Variants in SYBU observed in about 807,000 individuals in gnomAD.
The protein encoded by SYBU is syntabulin, also known as GOLSYN A protein.
A neutral mutation model predicts 35.9 loss-of-function variants in SYBU; 21 were observed. The ratio of observed to expected loss-of-function variants is 0.58; its 90% CI spans 0.41 to 0.84. The LOEUF (loss-of-function observed/expected upper bound fraction) is 0.84, where lower values mean the gene tolerates loss of function less well. Among genes scored for constraint, SYBU ranks in the 40% least tolerant of loss-of-function variants. SYBU has a pLI of 0.00. For missense variants in SYBU, 768 were observed against 848.2 expected (o/e 0.91, Z 1.17); for synonymous variants, 319 against 324.3 (o/e 0.98, Z 0.18).
chr8:109,638,998 T>G (rs1814552881), intron 2 of SYBU, among the ~76,000 whole-genome samples: 1 of 152,170 alleles, frequency 6.6e-6, no homozygotes, highest in Non-Finnish European at 1.5e-5. Context: ...GAATATCAAG[T>G]CATTAAATGT....
intron 3 of SYBU, among the ~76,000 whole-genome samples, chr8:109,617,935 G>A (rs569801812): frequency 1.3e-5 from 2 of 152,298 alleles, no homozygotes; most frequent in African/African-American, 4.8e-5. Flanking sequence ...GCATCCTATG[G>A]AAGAGGACAC....
At chr8:109,624,771 A>G (rs1430303948) in intron 2 of SYBU, among the ~76,000 whole-genome samples, 1 of 152,028 alleles carries the variant, frequency 6.6e-6, no homozygotes, top group Non-Finnish European at 1.5e-5. Flanking sequence ...GAGTTAAATT[A>G]GAGATTGGCA....
chr8:109,653,824 C>T (rs1347878438), intron 1 of SYBU, among the ~76,000 whole-genome samples: 1 of 152,124 alleles, frequency 6.6e-6, no homozygotes, highest in Non-Finnish European at 1.5e-5. Context: ...CTGCCTCCAC[C>T]CCATCCTTCC....
chr8:109,646,169 AC>A (rs1370130762), upstream of SYBU: 1 of 152,206 alleles, frequency 6.6e-6, no homozygotes, highest in Non-Finnish European at 1.5e-5. Flanking sequence ...GGTGGAATTC[AC>A]CATGTATAAT....
chr8:109,633,343 C>A (rs977116350), intron 2 of SYBU, among the ~76,000 whole-genome samples: 2 of 152,108 alleles, frequency 1.3e-5, no homozygotes, highest in African/African-American at 4.8e-5. Flanking sequence ...AGGCAGAGCT[C>A]AGAGAAAATC....
At chr8:109,651,124 G>T (rs1816116787) in intron 1 of SYBU, among the ~76,000 whole-genome samples, 2 of 152,188 alleles carry the variant, frequency 1.3e-5, no homozygotes, top group Admixed American at 1.3e-4. Context: ...GGCTGCTGCT[G>T]GAAGCCTAGA....
chr8:109,590,862 A>C (rs1441630951), intron 3 of SYBU, among the ~76,000 whole-genome samples: 1 of 152,186 alleles, frequency 6.6e-6, no homozygotes, highest in African/African-American at 2.4e-5. Context: ...GAAAAGCCAT[A>C]TAATTTATCA....
In SYBU at chr8:109,622,411, T is replaced by C. The variant is rs569250243; in HGVS notation, c.230-3372A>G. On this transcript the variant is annotated intron_variant, in intron 2 of 6. Transcript: ENST00000276646. ...CCAAACTCAGCTAATTTTTGTATTT[T>C]TAGTAGAGATGGGGTTTCTCCATGT... 5.3e-5 allele frequency among the ~76,000 whole-genome samples: 8 copies of C among 152,130 alleles called. No individual in the cohort carries two copies. The East Asian group carries it at 1.5e-3, about 29-fold the overall frequency.
chr8:109,679,217 G>A (rs940515801), intron 1 of SYBU, among the ~76,000 whole-genome samples: 20 of 152,274 alleles, frequency 1.3e-4, no homozygotes, highest in Non-Finnish European at 2.2e-4. Context: ...GGTCTAAAAA[G>A]AGGGAGGAAC....
intron 3 of SYBU, among the ~76,000 whole-genome samples, chr8:109,608,306 G>A (rs77944248): frequency 0.015 from 2,233 of 152,232 alleles, 42 homozygotes; most frequent in African/African-American, 0.05. Flanking sequence ...GGACCAAAAC[G>A]TATAGAATCT....
chr8:109,574,764 G>C lies in SYBU; in HGVS notation c.*142C>G, dbSNP rs1822012537. ...TACCTCCGGTTTTAAACAGTGAACA[G>C]GCTTCAACTAAATATAGTGCAAATC... On this transcript the variant is annotated 3_prime_UTR_variant, in exon 7 of 7. Coordinates refer to ENST00000276646, the MANE Select transcript of SYBU (RefSeq NM_001099754.2). 2.2e-6 allele frequency: 2 copies of C among 901,296 alleles called. No individual in the cohort carries two copies. The highest frequency in any genetic ancestry group is 3.3e-5 in the African/African-American group (2 of 60,300). 55.8% of individuals were successfully genotyped at this position (901,296 alleles called of 1,614,324 possible). A position where few individuals can be genotyped will look rare whatever the true frequency, so the allele number is the denominator to read the frequency against.
rs189672284 is a variant in SYBU, at chr8:109,582,004, T to C, written c.531-2002A>G. ...ACTTCATGAGTAGCTGAAAGGAACA[T>C]GTACCCTGGTGTGCATTTTCTTTTC... On this transcript the variant is annotated intron_variant, in intron 4 of 6. Coordinates refer to ENST00000276646, the MANE Select transcript of SYBU (RefSeq NM_001099754.2). Among the ~76,000 whole-genome samples, 3 of 152,288 alleles carry C rather than the reference T, an allele frequency of 2.0e-5. No individual in the cohort carries two copies. The East Asian group carries it at 5.8e-4, about 29-fold the overall frequency.
upstream of SYBU, among the ~76,000 whole-genome samples, chr8:109,684,706 G>A (rs543746931): frequency 7.0e-4 from 107 of 152,268 alleles, no homozygotes; most frequent in Non-Finnish European, 1.1e-3. Context: ...AATAATCACT[G>A]GAGTCCCCAC....
intron 1 of SYBU, among the ~76,000 whole-genome samples, chr8:109,687,751 T>C (rs1467307569): frequency 3.3e-5 from 5 of 152,164 alleles, no homozygotes; most frequent in African/African-American, 1.2e-4. Flanking sequence ...TGATGAGGCA[T>C]CTGGCAAAAT....
chr8:109,664,172 G>T (rs1392675042), intron 1 of SYBU, among the ~76,000 whole-genome samples: 2 of 152,122 alleles, frequency 1.3e-5, no homozygotes, highest in African/African-American at 4.8e-5. Flanking sequence ...GGTCACAAAA[G>T]AAGTACGTAC....
At chr8:109,627,107 C>T (rs2130471661) in intron 2 of SYBU, among the ~76,000 whole-genome samples, 1 of 152,140 alleles carries the variant, frequency 6.6e-6, no homozygotes, top group South Asian at 2.1e-4. Flanking sequence ...TTGAAACATT[C>T]AGTTATGGTT....
intron 1 of SYBU, among the ~76,000 whole-genome samples, chr8:109,686,189 G>A (rs1817515190): frequency 6.6e-6 from 1 of 150,540 alleles, no homozygotes; most frequent in African/African-American, 2.4e-5. Flanking sequence ...TGAGGTCACT[G>A]AGGAAGAGCC....
intron 3 of SYBU, among the ~76,000 whole-genome samples, chr8:109,609,340 C>A (rs889460553): frequency 6.6e-6 from 1 of 152,184 alleles, no homozygotes; most frequent in Non-Finnish European, 1.5e-5. Flanking sequence ...ATGGAAGAGA[C>A]AAAGAAATTC....
At chr8:109,622,890 A>G (rs552935996) in intron 2 of SYBU, among the ~76,000 whole-genome samples, 161 of 152,342 alleles carry the variant, frequency 1.1e-3, no homozygotes, top group Middle Eastern at 3.4e-3. Flanking sequence ...CATTTCCAGA[A>G]GAAGGCCTGA....
Sources: allele counts gnomAD v4.1 joint callset (sites outside exome capture counted in the v4.1 genomes callset), GRCh38; gene constraint gnomAD v4.1.1; transcripts MANE v1.5; gene names NCBI Gene and HGNC (gene_info 2026-07-23, HGNC 2026-07-21).